ERC1: variants seen among roughly 807,000 people sequenced by gnomAD.
ERC1 encodes the protein ELKS/RAB6-interacting/CAST family member 1.
Under a neutral mutation model 132.0 loss-of-function variants are expected in ERC1, and 56 were observed. The ratio of observed to expected loss-of-function variants is 0.42; its 90% confidence interval spans 0.34 to 0.53. The LOEUF is 0.53. Among genes scored for constraint, ERC1 ranks in the 20% least tolerant of loss-of-function variants. The pLI, the probability that ERC1 is intolerant of heterozygous loss-of-function variation, is 0.03. For missense variants in ERC1, 1,202 were observed against 1,349.9 expected (o/e 0.89, Z 1.72); for synonymous variants, 478 against 476.1 (o/e 1.00, Z -0.05).
At chr12:1,333,180 C>T (rs2083014776) in intron 15 of ERC1, among the ~76,000 whole-genome samples, 1 of 152,078 alleles carries the variant, frequency 6.6e-6, no homozygotes, top group African/African-American at 2.4e-5. Flanking sequence ...TTAGCTACCA[C>T]TTACAAGTGC....
chr12:1,050,556 C>T (rs1315065745), intron 2 of ERC1, among the ~76,000 whole-genome samples: 4 of 152,214 alleles, frequency 2.6e-5, no homozygotes, highest in African/African-American at 7.2e-5. Context: ...GTTAACTGAA[C>T]CTTTTTTGTT....
Position 1,135,789 on chromosome 12 carries a change from C to T in ERC1, c.1570-5831C>T, listed in dbSNP as rs576360221. 1.3e-3 allele frequency among the ~76,000 whole-genome samples: 198 copies of T among 152,248 alleles called. 1 individual carries two copies. Among genetic ancestry groups the T allele is most frequent in the African/African-American group, 4.6e-3 (191 of 41,552 alleles). ...CATAGAGAGCAAGGTCCTGCTACAC[C>T]TTTATGTCAGACTTCTAAACTCCAG... On this transcript the variant is annotated intron_variant, in intron 7 of 18. Transcript: ENST00000360905.
At chr12:1,331,242 A>G (rs1168595730) in intron 15 of ERC1, among the ~76,000 whole-genome samples, 3 of 152,210 alleles carry the variant, frequency 2.0e-5, no homozygotes, top group East Asian at 3.8e-4. Flanking sequence ...TGTGTTATAT[A>G]TAAATGGAGT....
At chr12:1,168,888 G>A (rs1952745462) in intron 8 of ERC1, among the ~76,000 whole-genome samples, 1 of 152,032 alleles carries the variant, frequency 6.6e-6, no homozygotes, top group African/African-American at 2.4e-5. Context: ...TGAAAGCTAT[G>A]GGCTTTCTCC....
At chr12:1,248,855 G>T (rs1277739349) in intron 13 of ERC1, among the ~76,000 whole-genome samples, 3 of 152,122 alleles carry the variant, frequency 2.0e-5, no homozygotes, top group South Asian at 2.1e-4. Context: ...AGGGCTCTGT[G>T]AGAATTGAGG....
At chr12:1,112,892 A>C (rs546404650) in intron 6 of ERC1, among the ~76,000 whole-genome samples, 1 of 152,242 alleles carries the variant, frequency 6.6e-6, no homozygotes, top group Non-Finnish European at 1.5e-5. Flanking sequence ...AATTCAGAAC[A>C]TAATAATAAA....
intron 7 of ERC1, among the ~76,000 whole-genome samples, chr12:1,138,229 G>GATATATATTA (rs1366528962): frequency 7.5e-5 from 8 of 106,332 alleles, no homozygotes; most frequent in African/African-American, 3.5e-4. Flanking sequence ...TATATATCAT[G>GATATATATTA]TATAATATAA....
At chr12:1,125,004 T>C (rs1947996364) in intron 7 of ERC1, among the ~76,000 whole-genome samples, 1 of 152,060 alleles carries the variant, frequency 6.6e-6, no homozygotes, top group Non-Finnish European at 1.5e-5. Flanking sequence ...TTCTTTCTTT[T>C]TTTTTTTGGA....
intron 1 of ERC1, among the ~76,000 whole-genome samples, chr12:999,448 G>T (rs1451619837): frequency 6.6e-6 from 1 of 152,006 alleles, no homozygotes; most frequent in East Asian, 1.9e-4. Flanking sequence ...GCTTAAGCCG[G>T]AAATGTGTGT....
chr12:1,162,100 T>C (rs1951936510), intron 8 of ERC1, among the ~76,000 whole-genome samples: 1 of 152,202 alleles, frequency 6.6e-6, no homozygotes, highest in South Asian at 2.1e-4. Context: ...GCTTTCTAAG[T>C]AGTATACATA....
chr12:1,241,662 A>G (rs1432261076), intron 13 of ERC1, among the ~76,000 whole-genome samples: 1 of 152,130 alleles, frequency 6.6e-6, no homozygotes, highest in Non-Finnish European at 1.5e-5. Context: ...CTTACAAAAC[A>G]TAGATTTAAA....
Position 1,295,310 on chromosome 12 carries a change from G to A in ERC1, c.2780+5298G>A, listed in dbSNP as rs114125072. ...GGACTTTGGCCAGATGACCTCCTGA[G>A]GTCCCCTGATTCTGTAGTTGTAAAT... On this transcript the variant is annotated intron_variant, in intron 15 of 18. Coordinates refer to ENST00000360905, the MANE Select transcript of ERC1 (RefSeq NM_178040.4). Among the ~76,000 whole-genome samples, 464 of 152,256 alleles carry A rather than the reference G, an allele frequency of 3.0e-3. 2 individuals are homozygous for A. Among genetic ancestry groups the A allele is most frequent in the Middle Eastern group, 0.02 (6 of 294 alleles).
At chr12:1,328,210 A>G (rs7976985) in intron 15 of ERC1, among the ~76,000 whole-genome samples, 1 of 152,016 alleles carries the variant, frequency 6.6e-6, no homozygotes, top group Non-Finnish European at 1.5e-5. Flanking sequence ...GCATTGGCAT[A>G]ATCACTGGTC....
At chr12:1,473,179 C>A (rs1335999252) in intron 18 of ERC1, among the ~76,000 whole-genome samples, 3 of 152,102 alleles carry the variant, frequency 2.0e-5, no homozygotes, top group African/African-American at 7.2e-5. Flanking sequence ...GCACGCACCA[C>A]CATGCCCAGC....
At chr12:1,162,638 T>C (rs1951992090) in intron 8 of ERC1, among the ~76,000 whole-genome samples, 1 of 152,116 alleles carries the variant, frequency 6.6e-6, no homozygotes, top group Non-Finnish European at 1.5e-5. Context: ...TTCCATATCA[T>C]AAAATCGGAC....
chr12:1,323,776 C>T (rs2154354976), intron 15 of ERC1, among the ~76,000 whole-genome samples: 1 of 152,248 alleles, frequency 6.6e-6, no homozygotes, highest in South Asian at 2.1e-4. Context: ...AAATATTTTG[C>T]TTAGAAGGAA....
intron 12 of ERC1, among the ~76,000 whole-genome samples, chr12:1,197,375 C>G (rs1453185884): frequency 6.6e-6 from 1 of 152,128 alleles, no homozygotes; most frequent in Non-Finnish European, 1.5e-5. Context: ...CAGTGTCTGT[C>G]TCTCCTTCCT....
intron 17 of ERC1, among the ~76,000 whole-genome samples, chr12:1,424,820 T>C (rs949281278): frequency 7.2e-6 from 1 of 138,868 alleles, no homozygotes; most frequent in Non-Finnish European, 1.5e-5. Flanking sequence ...GATAGATAGA[T>C]AGATAGATAG....
At chr12:1,033,098 G>A (rs918421214) in intron 2 of ERC1, among the ~76,000 whole-genome samples, 1 of 151,082 alleles carries the variant, frequency 6.6e-6, no homozygotes, top group Non-Finnish European at 1.5e-5. Context: ...GTGTGGTGGC[G>A]TGATCTCGGC....
Sources: allele counts gnomAD v4.1 joint callset (sites outside exome capture counted in the v4.1 genomes callset), GRCh38; gene constraint gnomAD v4.1.1; transcripts MANE v1.5; gene names NCBI Gene and HGNC (gene_info 2026-07-23, HGNC 2026-07-21).